DAB1: variants seen among roughly 807,000 people sequenced by gnomAD.
DAB1 encodes the protein DAB adaptor protein 1.
In DAB1, 15 loss-of-function variants were observed where a neutral mutation model predicts 64.6. That is an observed-to-expected ratio of 0.23 (90% confidence interval 0.16 to 0.36). DAB1 has a LOEUF of 0.36. Among genes scored for constraint, DAB1 ranks in the 10% least tolerant of loss-of-function variants. The probability of loss-of-function intolerance (pLI) is 1.00; values close to 1 mark genes in which losing one functional copy is unlikely to be tolerated. For synonymous variants in DAB1, 235 were observed against 251.9 expected (o/e 0.93, Z 0.64); for missense variants, 596 against 706.7 (o/e 0.84, Z 1.78).
At chr1:58,197,889 C>T (rs1467177582) in intron 4 of DAB1, among the ~76,000 whole-genome samples, 1 of 152,154 alleles carries the variant, frequency 6.6e-6, no homozygotes, top group African/African-American at 2.4e-5. Context: ...GTTAGTTCAA[C>T]ATGAATGCAT....
At chr1:57,266,863 C>T (rs1292591056) in intron 2 of DAB1, among the ~76,000 whole-genome samples, 1 of 152,120 alleles carries the variant, frequency 6.6e-6, no homozygotes, top group Admixed American at 6.6e-5. Flanking sequence ...ATTCTATCAT[C>T]CACAACAATT....
At position 57,430,835 on chromosome 1, in the gene DAB1, T is replaced by G. The variant is rs1685477164; in HGVS notation, n.626-139669A>C. ...TCTATATTTTAATAAGAAAGGTCTA[T>G]CCTTTATTTTAAAAATATGTTTACT... On this transcript the variant is annotated intron_variant and non_coding_transcript_variant, in intron 7 of 20. Transcript: ENST00000485760. Among the ~76,000 whole-genome samples the G allele has an allele frequency of 2.0e-5, 3 of 151,852 alleles. No individual in the cohort carries two copies. The South Asian group carries it at 6.2e-4, about 32-fold the overall frequency.
rs540587832 is a variant in DAB1, at chr1:57,389,987, T to C, written c.-137+33943A>G. Among the ~76,000 whole-genome samples, 21 of 152,356 alleles carry C rather than the reference T, an allele frequency of 1.4e-4. No individual in the cohort carries two copies. The South Asian group carries it at 4.1e-3, about 30-fold the overall frequency. On this transcript the variant is annotated intron_variant, in intron 1 of 14. Coordinates refer to ENST00000371236, the MANE Select transcript of DAB1 (RefSeq NM_001365792.1). Reference sequence around the variant, plus strand: ...TTGCTCAAAGCCATACAGCTTTTAGTGCAGGGTCACAGTGTAAACCCAGGC... The same window carrying C: ...TTGCTCAAAGCCATACAGCTTTTAGCGCAGGGTCACAGTGTAAACCCAGGC...
chr1:57,708,845 C>T (rs1646996572), intron 6 of DAB1, among the ~76,000 whole-genome samples: 1 of 151,872 alleles, frequency 6.6e-6, no homozygotes, highest in Non-Finnish European at 1.5e-5. Flanking sequence ...TTCCTATCCT[C>T]TTCAATTCCT....
chr1:57,368,468 A>G (rs1049460635), intron 1 of DAB1, among the ~76,000 whole-genome samples: 1 of 152,150 alleles, frequency 6.6e-6, no homozygotes, highest in South Asian at 2.1e-4. Flanking sequence ...TCTGAGGCCC[A>G]TAAAAGCCCC....
intron 4 of DAB1, among the ~76,000 whole-genome samples, chr1:58,285,601 C>T (rs1399339920): frequency 6.6e-6 from 1 of 152,156 alleles, no homozygotes; most frequent in Admixed American, 6.5e-5. Context: ...CCTAGGAATA[C>T]ACCTAACAAG....
chr1:57,992,317 G>A (rs1268430011), intron 5 of DAB1, among the ~76,000 whole-genome samples: 1 of 152,198 alleles, frequency 6.6e-6, no homozygotes, highest in Non-Finnish European at 1.5e-5. Flanking sequence ...TGGAAACATG[G>A]TTGTGTCCCT....
At chr1:57,930,281 T>C (rs1031713665) in intron 5 of DAB1, among the ~76,000 whole-genome samples, 7 of 152,258 alleles carry the variant, frequency 4.6e-5, no homozygotes, top group Non-Finnish European at 8.8e-5. Context: ...TCTTGATTAC[T>C]GTAGCATTAT....
intron 9 of DAB1, among the ~76,000 whole-genome samples, chr1:57,048,385 C>T (rs1166331595): frequency 2.6e-5 from 4 of 152,202 alleles, no homozygotes. Flanking sequence ...AAGCAACTTG[C>T]CTAGAATCAT....
intron 7 of DAB1, among the ~76,000 whole-genome samples, chr1:57,552,731 T>C (rs968269218): frequency 2.0e-5 from 3 of 152,118 alleles, no homozygotes; most frequent in African/African-American, 4.8e-5. Context: ...AAGAGGCAAG[T>C]CACACATGGG....
chr1:57,814,748 C>G (rs978455807), intron 6 of DAB1, among the ~76,000 whole-genome samples: 7 of 152,188 alleles, frequency 4.6e-5, no homozygotes, highest in African/African-American at 1.7e-4. Flanking sequence ...TTAGTGTCTT[C>G]TAGTCTGTCA....
intron 5 of DAB1, 73 bp from the exon 6 acceptor site, chr1:57,071,714 G>C: frequency 7.0e-7 from 1 of 1,433,910 alleles, no homozygotes; most frequent in Admixed American, 2.3e-5. Flanking sequence ...TTGTTTTTGC[G>C]GCGACAACCC....
chr1:57,740,314 T>C (rs938235925), intron 6 of DAB1, among the ~76,000 whole-genome samples: 1 of 152,194 alleles, frequency 6.6e-6, no homozygotes, highest in Non-Finnish European at 1.5e-5. Context: ...ATTGGGGTAG[T>C]AGACAAGGTT....
chr1:58,387,497 G>A (rs1294055552), intron 3 of DAB1, among the ~76,000 whole-genome samples: 1 of 152,098 alleles, frequency 6.6e-6, no homozygotes, highest in African/African-American at 2.4e-5. Flanking sequence ...TGAGCTCTTC[G>A]GGAGGTGGTG....
intron 1 of DAB1, among the ~76,000 whole-genome samples, chr1:57,410,856 T>A (rs565544091): frequency 1.1e-4 from 16 of 152,330 alleles, no homozygotes; most frequent in South Asian, 2.1e-4. Flanking sequence ...ACTAGTACTG[T>A]ATATATTTTC....
chr1:57,406,622 G>C (rs546262425), intron 1 of DAB1, among the ~76,000 whole-genome samples: 6 of 152,230 alleles, frequency 3.9e-5, no homozygotes, highest in African/African-American at 1.2e-4. Flanking sequence ...CTTCATCATT[G>C]CATCATCATT....
chr1:57,023,198 G>A (rs957188701), intron 11 of DAB1, among the ~76,000 whole-genome samples: 1 of 152,200 alleles, frequency 6.6e-6, no homozygotes, highest in African/African-American at 2.4e-5. Context: ...CCTGCTTATT[G>A]CTTTCTCTCC....
chr1:57,787,914 C>T (rs539951876), intron 6 of DAB1, among the ~76,000 whole-genome samples: 3 of 151,850 alleles, frequency 2.0e-5, no homozygotes, highest in South Asian at 2.1e-4. Flanking sequence ...AAAAGATACT[C>T]GGTATCATTC....
At chr1:58,224,777 G>T in intron 4 of DAB1, among the ~76,000 whole-genome samples, 1 of 151,894 alleles carries the variant, frequency 6.6e-6, no homozygotes, top group East Asian at 1.9e-4. Flanking sequence ...GCTGAAACTG[G>T]ATCCCTTCCT....
Sources: gnomAD v4.1 joint callset for allele counts (sites outside exome capture counted in the v4.1 genomes callset) on GRCh38, gnomAD v4.1.1 for gene constraint, MANE v1.5 for transcripts, NCBI Gene and HGNC (gene_info 2026-07-23, HGNC 2026-07-21) for gene names.